Variants in FASTKD1 observed in about 807,000 individuals in gnomAD.
FASTKD1 encodes the protein FAST kinase domain-containing protein 1, mitochondrial.
FASTKD1 carries 94 observed loss-of-function variants against 90.9 expected under a neutral mutation model. That is an observed-to-expected ratio of 1.03 (90% CI 0.88 to 1.23). The LOEUF is 1.23. FASTKD1 is among the 50% of genes most tolerant of loss of function. The probability of loss-of-function intolerance (pLI) is 0.00; values close to 1 mark genes in which losing one functional copy is unlikely to be tolerated. For synonymous variants in FASTKD1, 319 were observed against 345.8 expected, an observed-to-expected ratio of 0.92 and a Z score of 0.86; for missense variants, 945 against 993.5, an observed-to-expected ratio of 0.95 and a Z score of 0.66.
chr2:169,562,079 ATTTATT>A (rs1481282624), intron 4 of FASTKD1, among the ~76,000 whole-genome samples: 4 of 134,018 alleles, frequency 3.0e-5, no homozygotes, highest in Admixed American at 7.9e-5. Flanking sequence ...TAAAATAATT[ATTTATT>A]AATTTATTGT....
chr2:169,538,121 C>G lies in FASTKD1; in HGVS notation c.1966G>C (p.Ala656Pro), dbSNP rs779602053. The G allele has an allele frequency of 1.9e-6, 3 of 1,605,264 alleles. No individual in the cohort carries two copies. The highest frequency in any genetic ancestry group is 1.3e-5 in the African/African-American group (1 of 74,358). The change falls in exon 11 of 15, where the codon GCA becomes CCA. Residue 656 changes from alanine (A) to proline (P), a missense_variant. Transcript: ENST00000453153. ...QLEILSPSRS[A>P]RVQFHLMELN... is the part of the protein sequence containing the mutation. ...TCCATAAGATGAAACTGGACTCTTG[C>G]ACTTCGAGATGGAGATAAAACTGAA...
Position 169,537,254 on chromosome 2 carries a change from C to A in FASTKD1, c.2161G>T (p.Val721Phe), listed in dbSNP as rs1197143613. The part of the protein sequence containing the change: ...LGGINCVKAS[V>F]LTPYYHKVDF... ...ACTTTGTGGTAATAAGGCGTAAGAA[C>A]CGAGGCTTTTACACAATTGATTCCT... Residue 721 changes from valine (V) to phenylalanine (F), a missense_variant, in exon 12 of 15, where the codon GTT becomes TTT. Physicochemically the swap from Val to Phe is conservative, Grantham distance 50. Transcript: ENST00000453153. The A allele has an allele frequency of 6.2e-7, 1 of 1,612,292 alleles. No individual in the cohort carries two copies. The highest frequency in any genetic ancestry group is 8.5e-7 in the Non-Finnish European group (1 of 1,178,766).
intron 7 of FASTKD1, among the ~76,000 whole-genome samples, chr2:169,549,422 A>AAAAT (rs1231987247): frequency 1.3e-4 from 20 of 152,150 alleles, no homozygotes; most frequent in African/African-American, 4.8e-4. Context: ...ATTAAAAATA[A>AAAAT]AAATAAATAA....
chr2:169,536,954 G>C lies in FASTKD1; in HGVS notation c.2188+273C>G, dbSNP rs916827457. The C allele has an allele frequency of 1.1e-5, 3 of 266,856 alleles. No individual in the cohort carries two copies. In the Admixed American group the frequency reaches 1.6e-4, roughly 14 times the overall value. The allele number at this position is 266,856 out of a possible 1,614,324, so 16.5% of individuals were successfully genotyped here. On this transcript the variant is annotated intron_variant, in intron 12 of 14. Transcript: ENST00000453153. ...AGATCCAGAAATGTTCAGTGAATCTGAATCTGGGTTTTACTTAGAATTGGT... is the reference window on the plus strand; with the variant it reads ...AGATCCAGAAATGTTCAGTGAATCTCAATCTGGGTTTTACTTAGAATTGGT...
At chr2:169,562,617 C>T (rs1180602939) in intron 4 of FASTKD1, among the ~76,000 whole-genome samples, 3 of 151,986 alleles carry the variant, frequency 2.0e-5, no homozygotes, top group African/African-American at 7.2e-5. Context: ...TGAGAAACTT[C>T]TATGTTCTAG....
At chr2:169,552,239 C>A (rs566371889) in intron 7 of FASTKD1, among the ~76,000 whole-genome samples, 2 of 152,170 alleles carry the variant, frequency 1.3e-5, no homozygotes, top group Non-Finnish European at 2.9e-5. Context: ...GCTCTCCTTA[C>A]TCAGAATTTA....
At chr2:169,529,993 T>A in intron 14 of FASTKD1, 67 bp from the exon 15 acceptor site, 32 of 1,064,254 alleles carry the variant, frequency 3.0e-5, no homozygotes, top group South Asian at 2.5e-4. Context: ...GAGGAAGACA[T>A]ATAAGCACTA....
intron 3 of FASTKD1, among the ~76,000 whole-genome samples, chr2:169,564,883 T>G (rs1013387676): frequency 2.0e-5 from 3 of 152,066 alleles, no homozygotes; most frequent in Admixed American, 6.6e-5. Flanking sequence ...CCACCCATGT[T>G]GCAAATGACA....
Position 169,569,348 on chromosome 2 carries a change from T to C in FASTKD1, c.378-96A>G, listed in dbSNP as rs931132028. ...GATAATGCAAAAGTGAAACTCAAGT[T>C]ATTTTCCTCTTATACAGGCAGTCCT... On this transcript the variant is annotated intron_variant, in intron 2 of 14. Coordinates refer to ENST00000453153, the MANE Select transcript of FASTKD1 (RefSeq NM_024622.6). The C allele has an allele frequency of 1.0e-4, 118 of 1,163,894 alleles. No homozygotes were observed. The East Asian group carries it at 2.7e-3, about 27-fold the overall frequency. The allele number at this position is 1,163,894 out of a possible 1,614,324, so 72.1% of individuals were successfully genotyped here. A position where few individuals can be genotyped will look rare whatever the true frequency, so the allele number is the denominator to read the frequency against.
Position 169,563,207 on chromosome 2 carries a change from T to C in FASTKD1, c.572+18A>G. On this transcript the variant is annotated intron_variant, in intron 4 of 14. Coordinates refer to ENST00000453153, the MANE Select transcript of FASTKD1 (RefSeq NM_024622.6). ...AGGATCTTTCCACCACAACACAAGA[T>C]TCCCTAAATAAATTTACCTTAAGTC... The C allele has an allele frequency of 2.5e-6, 4 of 1,605,870 alleles. No individual in the cohort carries two copies. The highest frequency in any genetic ancestry group is 3.4e-6 in the Non-Finnish European group (4 of 1,176,830).
In FASTKD1 at chr2:169,553,271, C is replaced by CAAAAAAAAAAAAAA. The variant is rs374454211; in HGVS notation, c.1214+1839_1214+1852dup. Among the ~76,000 whole-genome samples the CAAAAAAAAAAAAAA allele has an allele frequency of 3.8e-5, 3 of 79,204 alleles. 1 individual carries two copies. The highest frequency in any genetic ancestry group is 6.7e-5 in the Non-Finnish European group (3 of 44,780). 52.0% of individuals were successfully genotyped at this position (79,204 alleles called of 152,430 possible). A position where few individuals can be genotyped will look rare whatever the true frequency, so the allele number is the denominator to read the frequency against. ...ATATAGAAAATTTTTTAAAAGCATGCAAAAAAAAAAAAAAAAAACCCACTG... is the reference window on the plus strand; with the variant it reads ...ATATAGAAAATTTTTTAAAAGCATGCAAAAAAAAAAAAAAAAAAAAAAAAAAAAAAAACCCACTG... On this transcript the variant is annotated intron_variant, in intron 7 of 14. Coordinates refer to ENST00000453153, the MANE Select transcript of FASTKD1 (RefSeq NM_024622.6).
intron 4 of FASTKD1, among the ~76,000 whole-genome samples, chr2:169,562,579 T>TATA (rs1683753777): frequency 6.6e-6 from 1 of 152,146 alleles, no homozygotes; most frequent in Non-Finnish European, 1.5e-5. Context: ...TACTTCATGA[T>TATA]ATAATAATAA....
At chr2:169,572,541 A>G (rs1362372134) in intron 1 of FASTKD1, among the ~76,000 whole-genome samples, 1 of 119,728 alleles carries the variant, frequency 8.4e-6, no homozygotes, top group Non-Finnish European at 1.7e-5. Context: ...TTATACATAC[A>G]TATATATATA....
intron 2 of FASTKD1, among the ~76,000 whole-genome samples, chr2:169,569,890 G>T (rs1684155240): frequency 6.6e-6 from 1 of 152,036 alleles, no homozygotes; most frequent in African/African-American, 2.4e-5. Flanking sequence ...GAAAATGTTT[G>T]TAAAAAAATT....
intron 7 of FASTKD1, among the ~76,000 whole-genome samples, chr2:169,550,249 T>A (rs2105374922): frequency 6.6e-6 from 1 of 152,284 alleles, no homozygotes; most frequent in East Asian, 1.9e-4. Flanking sequence ...TATGGTACAG[T>A]CATATGATGG....
intron 10 of FASTKD1, among the ~76,000 whole-genome samples, chr2:169,539,016 C>T (rs1684851981): frequency 6.6e-6 from 1 of 151,668 alleles, no homozygotes. Context: ...GCCTGTAATC[C>T]TACCACTTTG....
rs1223315692 is a variant in FASTKD1, at chr2:169,528,532, T to C, written c.*1293A>G. Among the ~76,000 whole-genome samples, 1 of 152,132 alleles carries C rather than the reference T, an allele frequency of 6.6e-6. No individual in the cohort carries two copies. Among genetic ancestry groups the C allele is most frequent in the African/African-American group, 2.4e-5 (1 of 41,424 alleles). ...GGCCCTTAGTAACCATTTTATTGAA[T>C]AAATGTGTTGTAAGACAGGGAGAAG... On this transcript the variant is annotated 3_prime_UTR_variant, in exon 15 of 15. Coordinates refer to ENST00000453153, the MANE Select transcript of FASTKD1 (RefSeq NM_024622.6).
intron 8 of FASTKD1, among the ~76,000 whole-genome samples, chr2:169,545,261 C>CA (rs1472099392): frequency 6.6e-6 from 1 of 152,092 alleles, no homozygotes; most frequent in Non-Finnish European, 1.5e-5. Context: ...TTTCAGAATT[C>CA]ATTAGTCACT....
intron 4 of FASTKD1, among the ~76,000 whole-genome samples, chr2:169,561,792 G>A (rs180754816): frequency 0.041 from 3,970 of 95,994 alleles, 364 homozygotes; most frequent in Middle Eastern, 0.067. Flanking sequence ...TTAATTTATT[G>A]TAAATTATTT....
Sources: allele counts gnomAD v4.1 joint callset (sites outside exome capture counted in the v4.1 genomes callset), GRCh38; gene constraint gnomAD v4.1.1; transcripts MANE v1.5; gene names NCBI Gene and HGNC (gene_info 2026-07-23, HGNC 2026-07-21).